The following MTARC2 variants were observed in gnomAD, a reference collection of about 807,000 sequenced individuals.
The protein encoded by MTARC2 is mitochondrial amidoxime reducing component 2.
In MTARC2, 27 loss-of-function variants were observed where a neutral mutation model predicts 35.6. The observed-to-expected ratio is 0.76, with a 90% CI of 0.56 to 1.04. The LOEUF is 1.04. Among genes scored for constraint, MTARC2 ranks in the 50% least tolerant of loss-of-function variants. The pLI, the probability that MTARC2 is intolerant of heterozygous loss-of-function variation, is 0.00. For synonymous variants in MTARC2, 158 were observed against 167.1 expected (o/e 0.95, Z 0.42); for missense variants, 412 against 432.5 (o/e 0.95, Z 0.42).
Position 220,782,641 on chromosome 1 carries a change from T to C in MTARC2, c.*31+709T>C, listed in dbSNP as rs187794673. On this transcript the variant is annotated intron_variant, in intron 7 of 7. Coordinates refer to ENST00000366913, the MANE Select transcript of MTARC2 (RefSeq NM_017898.5). ...CATCTCCAAAACTCTTGACCATCCT[T>C]CTCTCTGATTCTGGCCTGAGCTTCT... is the stretch of plus-strand genomic sequence containing the variant. 6.6e-5 allele frequency among the ~76,000 whole-genome samples: 10 copies of C among 152,314 alleles called. No individual in the cohort carries two copies. In the South Asian group the frequency reaches 1.7e-3, roughly 25 times the overall value.
chr1:220,772,282 T>A (rs534319681), intron 4 of MTARC2, among the ~76,000 whole-genome samples: 123 of 152,356 alleles, frequency 8.1e-4, no homozygotes, highest in Non-Finnish European at 1.4e-3. Context: ...AGGCTCTCTG[T>A]ATATATTGCC....
chr1:220,782,300 TAG>T (rs1672095361), intron 7 of MTARC2, among the ~76,000 whole-genome samples: 1 of 152,206 alleles, frequency 6.6e-6, no homozygotes, highest in Non-Finnish European at 1.5e-5. Flanking sequence ...CTGTCTCAGA[TAG>T]AAGGGAAAAT....
At chr1:220,757,337 G>A (rs1301693743) in intron 2 of MTARC2, among the ~76,000 whole-genome samples, 3 of 152,248 alleles carry the variant, frequency 2.0e-5, no homozygotes, top group Admixed American at 1.3e-4. Flanking sequence ...CAGAGGTGTA[G>A]TCAGCGCACT....
chr1:220,765,424 T>A (rs1671555622), intron 4 of MTARC2, among the ~76,000 whole-genome samples: 1 of 152,186 alleles, frequency 6.6e-6, no homozygotes, highest in African/African-American at 2.4e-5. Context: ...AGGAAGTAAT[T>A]ATGATTTGCA....
chr1:220,767,362 T>C (rs184437737), intron 4 of MTARC2, among the ~76,000 whole-genome samples: 54 of 152,348 alleles, frequency 3.5e-4, no homozygotes, highest in Non-Finnish European at 6.5e-4. Context: ...AACCTCAGCA[T>C]GAAATTCAGG....
In MTARC2 at chr1:220,765,933, T is replaced by A. The variant is rs73102243; in HGVS notation, c.750+2883T>A. On this transcript the variant is annotated intron_variant, in intron 4 of 7. Transcript: ENST00000366913. Reference sequence around the variant, plus strand: ...TAGCAGGCCCTACCTGAAACCTACATGAGCATTGTGACAAGGCCTGCATCT... The same window carrying A: ...TAGCAGGCCCTACCTGAAACCTACAAGAGCATTGTGACAAGGCCTGCATCT... Among the ~76,000 whole-genome samples the A allele has an allele frequency of 5.1e-3, 782 of 152,272 alleles. 4 individuals are homozygous for A. The highest frequency in any genetic ancestry group is 0.018 in the African/African-American group (760 of 41,548).
At chr1:220,780,282 A>C in intron 6 of MTARC2, 43 bp downstream of exon 6, 45 of 1,536,484 alleles carry the variant, frequency 2.9e-5, no homozygotes, top group Non-Finnish European at 3.7e-5. Context: ...TATTATCTCC[A>C]CCCCAGAACT....
intron 4 of MTARC2, among the ~76,000 whole-genome samples, chr1:220,777,057 A>T (rs766585148): frequency 3.3e-5 from 5 of 152,218 alleles, no homozygotes; most frequent in Non-Finnish European, 2.9e-5. Flanking sequence ...TCTTCGCAAT[A>T]AGTTACTGGC....
chr1:220,783,517 C>T (rs1013154834), intron 7 of MTARC2, among the ~76,000 whole-genome samples: 2 of 152,152 alleles, frequency 1.3e-5, no homozygotes, highest in Non-Finnish European at 2.9e-5. Context: ...GATACCATAA[C>T]GATTGAGGGT....
At chr1:220,774,304 G>A (rs1000395389) in intron 4 of MTARC2, among the ~76,000 whole-genome samples, 2 of 151,876 alleles carry the variant, frequency 1.3e-5, no homozygotes, top group African/African-American at 4.8e-5. Context: ...TTTAATACCC[G>A]AATAATGATT....
At chr1:220,774,453 C>T (rs867738206) in intron 4 of MTARC2, among the ~76,000 whole-genome samples, 17 of 152,208 alleles carry the variant, frequency 1.1e-4, no homozygotes, top group Middle Eastern at 3.4e-3. Context: ...TTACATATTC[C>T]CTCGACTTAT....
intron 4 of MTARC2, among the ~76,000 whole-genome samples, chr1:220,776,930 G>A (rs1671933480): frequency 6.6e-6 from 1 of 152,198 alleles, no homozygotes; most frequent in Admixed American, 6.5e-5. Flanking sequence ...CTGCATCTCA[G>A]GCCAGGGTAC....
chr1:220,780,231 C>G lies in MTARC2; in HGVS notation c.876C>G (p.Thr292=). 2.5e-6 allele frequency: 4 copies of G among 1,610,908 alleles called. No individual in the cohort carries two copies. Among genetic ancestry groups the G allele is most frequent in the Admixed American group, 1.7e-5 (1 of 58,962 alleles). ...TAGACAGGAAACAGCCACTGGACAC[C>G]CTGAAGAGGTAGAATACCACCACAG... The part of the protein sequence containing the change: ...GVIDRKQPLD[T]LKSYRLCDPS... Residue 292 remains threonine (T), a synonymous_variant, in exon 6 of 8, where the codon ACC becomes ACG. Transcript: ENST00000366913.
intron 4 of MTARC2, among the ~76,000 whole-genome samples, chr1:220,776,383 AATGT>A (rs1330711389): frequency 6.6e-6 from 1 of 152,170 alleles, no homozygotes; most frequent in African/African-American, 2.4e-5. Context: ...TGTCTAGTAG[AATGT>A]AATGGAAATT....
At chr1:220,782,040 A>T in intron 7 of MTARC2, 108 bp downstream of exon 7, 1 of 971,144 alleles carries the variant, frequency 1.0e-6, no homozygotes, top group South Asian at 2.1e-5. Context: ...GAGAATGAAC[A>T]GTTTTATATT....
chr1:220,751,749 C>T (rs149771871), intron 1 of MTARC2, among the ~76,000 whole-genome samples: 1 of 152,276 alleles, frequency 6.6e-6, no homozygotes, highest in African/African-American at 2.4e-5. Flanking sequence ...TACACTGATC[C>T]CTCTACCACA....
intron 4 of MTARC2, among the ~76,000 whole-genome samples, chr1:220,773,830 T>C (rs1671813217): frequency 6.6e-6 from 1 of 152,074 alleles, no homozygotes; most frequent in Non-Finnish European, 1.5e-5. Context: ...AAGAAAAAAA[T>C]TAAGATTTAT....
chr1:220,752,330 G>A (rs902090627), intron 1 of MTARC2, among the ~76,000 whole-genome samples: 5 of 151,828 alleles, frequency 3.3e-5, no homozygotes, highest in Non-Finnish European at 7.4e-5. Flanking sequence ...TCTGGGGAAG[G>A]GGCATGTTGG....
At chr1:220,770,895 C>G (rs764584697) in intron 4 of MTARC2, among the ~76,000 whole-genome samples, 2 of 152,254 alleles carry the variant, frequency 1.3e-5, no homozygotes, top group Admixed American at 6.5e-5. Flanking sequence ...AGTGAATACA[C>G]TTCAGAGCAA....
Sources: gnomAD v4.1 joint callset for allele counts (sites outside exome capture counted in the v4.1 genomes callset) on GRCh38, gnomAD v4.1.1 for gene constraint, MANE v1.5 for transcripts, NCBI Gene and HGNC (gene_info 2026-07-23, HGNC 2026-07-21) for gene names.